LRRC37A2: variants seen among roughly 807,000 people sequenced by gnomAD.
LRRC37A2 encodes leucine rich repeat containing 37 member A2.
LRRC37A2 carries 9 observed loss-of-function variants against 68.8 expected under a neutral mutation model. The ratio of observed to expected loss-of-function variants is 0.13; its 90% CI spans 0.08 to 0.23. The LOEUF is 0.23. LRRC37A2 is among the 10% of genes least tolerant of loss of function. The probability of loss-of-function intolerance (pLI) is 1.00; values close to 1 mark genes in which losing one functional copy is unlikely to be tolerated. For missense variants in LRRC37A2, 168 were observed against 950.4 expected, an observed-to-expected ratio of 0.18 and a Z score of 10.82; for synonymous variants, 63 against 367.6, an observed-to-expected ratio of 0.17 and a Z score of 9.48.
At chr17:46,725,855 A>C in the LRRC37A2 span, among the ~76,000 whole-genome samples, 1 of 152,114 alleles carries the variant, frequency 6.6e-6, no homozygotes, top group Non-Finnish European at 1.5e-5. Flanking sequence ...CATTTCCAAA[A>C]AGGCTAGTCT....
the LRRC37A2 span, among the ~76,000 whole-genome samples, chr17:46,720,200 T>A: frequency 1.5e-4 from 23 of 152,310 alleles, 1 homozygote; most frequent in Admixed American, 1.4e-3. Context: ...TTGTTGAAGT[T>A]TTTGCATATA....
the LRRC37A2 span, chr17:46,885,751 C>G: frequency 6.6e-6 from 1 of 152,314 alleles, no homozygotes; most frequent in Non-Finnish European, 1.5e-5. Flanking sequence ...TTGGCAGTGT[C>G]TTGCCATAGC....
At chr17:46,988,785 T>A in the LRRC37A2 span, among the ~76,000 whole-genome samples, 1 of 152,120 alleles carries the variant, frequency 6.6e-6, no homozygotes, top group African/African-American at 2.4e-5. Flanking sequence ...GGTTTAGAAG[T>A]CATCAGCTTG....
chr17:46,954,788 A>G, the LRRC37A2 span, among the ~76,000 whole-genome samples: 481 of 152,324 alleles, frequency 3.2e-3, no homozygotes, highest in Non-Finnish European at 4.2e-3. Context: ...CTTTGAAGCA[A>G]TTGTGAATGG....
the LRRC37A2 span, among the ~76,000 whole-genome samples, chr17:46,717,125 G>A: frequency 1.3e-5 from 2 of 152,188 alleles, no homozygotes; most frequent in African/African-American, 4.8e-5. Context: ...TAAAGAAAAT[G>A]TGACACATAT....
At chr17:46,990,485 T>A in the LRRC37A2 span, among the ~76,000 whole-genome samples, 2 of 152,174 alleles carry the variant, frequency 1.3e-5, no homozygotes, top group African/African-American at 2.4e-5. Flanking sequence ...TCTTGAAGGA[T>A]CTTCCCCCAG....
At chr17:46,999,330 C>G in the LRRC37A2 span, among the ~76,000 whole-genome samples, 2 of 152,066 alleles carry the variant, frequency 1.3e-5, no homozygotes, top group African/African-American at 2.4e-5. Flanking sequence ...CGTGCCTGAC[C>G]CACCAGAAGG....
chr17:46,815,225 T>C, the LRRC37A2 span, among the ~76,000 whole-genome samples: 11 of 151,804 alleles, frequency 7.2e-5, no homozygotes, highest in Admixed American at 3.3e-4. Context: ...AGGAGCTAAC[T>C]GGGACTGACA....
the LRRC37A2 span, chr17:46,885,299 C>A: frequency 1.7e-5 from 4 of 240,652 alleles, no homozygotes; most frequent in African/African-American, 7.8e-5. Flanking sequence ...AGCCACTGCG[C>A]CTGGCCAGCA....
At chr17:46,592,895 G>T in the LRRC37A2 span, among the ~76,000 whole-genome samples, 2 of 135,760 alleles carry the variant, frequency 1.5e-5, no homozygotes, top group East Asian at 2.1e-4. Context: ...TATAGGCTGG[G>T]AATCTGAGGG....
chr17:46,894,423 T>TCA, the LRRC37A2 span, among the ~76,000 whole-genome samples: 1 of 152,298 alleles, frequency 6.6e-6, no homozygotes, highest in East Asian at 1.9e-4. Context: ...ACACAGAAGG[T>TCA]CACTGGCTGA....
chr17:46,609,732 AGT>A, the LRRC37A2 span, among the ~76,000 whole-genome samples: 1 of 147,046 alleles, frequency 6.8e-6, no homozygotes, highest in Non-Finnish European at 1.5e-5. Flanking sequence ...AGATAAGTAT[AGT>A]GTGGCCTTAC....
the LRRC37A2 span, among the ~76,000 whole-genome samples, chr17:46,860,650 T>G: frequency 1.3e-5 from 2 of 152,232 alleles, no homozygotes; most frequent in South Asian, 4.1e-4. Flanking sequence ...AGAAATCTAG[T>G]GATCTGCCTT....
At chr17:46,829,151 T>A in the LRRC37A2 span, among the ~76,000 whole-genome samples, 2 of 152,338 alleles carry the variant, frequency 1.3e-5, no homozygotes, top group South Asian at 2.1e-4. Context: ...GTGATTTTTT[T>A]ATGGTGTGCA....
the LRRC37A2 span, among the ~76,000 whole-genome samples, chr17:46,974,297 C>G: frequency 1.3e-5 from 2 of 152,230 alleles, no homozygotes; most frequent in African/African-American, 4.8e-5. Context: ...GGCACAGTGC[C>G]TAGCCCACAG....
the LRRC37A2 span, among the ~76,000 whole-genome samples, chr17:47,007,641 T>A: frequency 2.0e-5 from 3 of 152,230 alleles, no homozygotes; most frequent in Admixed American, 6.5e-5. Context: ...TCGAGAATGA[T>A]GTTAGTATCA....
At chr17:46,622,412 C>T in the LRRC37A2 span, among the ~76,000 whole-genome samples, 2 of 150,300 alleles carry the variant, frequency 1.3e-5, no homozygotes, top group Non-Finnish European at 2.9e-5. Flanking sequence ...AAGCCGATAT[C>T]GCACCAGGGC....
At chr17:46,968,064 CCTT>C in the LRRC37A2 span, among the ~76,000 whole-genome samples, 8 of 151,930 alleles carry the variant, frequency 5.3e-5, no homozygotes, top group Non-Finnish European at 1.0e-4. Context: ...GGGATGGGGG[CCTT>C]CTTCAGCTTG....
chr17:46,871,818 C>A, the LRRC37A2 span, among the ~76,000 whole-genome samples: 1 of 152,338 alleles, frequency 6.6e-6, no homozygotes, highest in East Asian at 1.9e-4. Context: ...TCTAACCATC[C>A]ATCAGTCCTT....
Sources: allele counts gnomAD v4.1 joint callset (sites outside exome capture counted in the v4.1 genomes callset), GRCh38; gene constraint gnomAD v4.1.1; transcripts MANE v1.5; gene names NCBI Gene and HGNC (gene_info 2026-07-23, HGNC 2026-07-21).